Variants in SEC24D observed in about 807,000 individuals in gnomAD.
The protein encoded by SEC24D is protein transport protein Sec24D.
A neutral mutation model predicts 116.9 loss-of-function variants in SEC24D; 69 were observed. The observed-to-expected ratio is 0.59, with a 90% confidence interval of 0.49 to 0.72. The LOEUF (loss-of-function observed/expected upper bound fraction) is 0.72. Ranked by LOEUF, SEC24D falls within the 30% of genes least tolerant of loss-of-function variation. The pLI, the probability that SEC24D is intolerant of heterozygous loss-of-function variation, is 0.00. For synonymous variants in SEC24D, 405 were observed against 442.8 expected (o/e 0.91, Z 1.07); for missense variants, 1,131 against 1,264.1 (o/e 0.89, Z 1.60).
Position 118,755,526 on chromosome 4 carries a change from A to G in SEC24D, c.1421+2195T>C, listed in dbSNP as rs143949813. 7.9e-5 allele frequency among the ~76,000 whole-genome samples: 12 copies of G among 152,224 alleles called. No homozygotes were observed. The East Asian group carries it at 2.3e-3, about 29-fold the overall frequency. On this transcript the variant is annotated intron_variant, in intron 11 of 22. Coordinates refer to ENST00000280551, the MANE Select transcript of SEC24D (RefSeq NM_014822.4). ...ATCTGAATAACAGATGAAACATTCAAATCTTTTCTTTCCTGTTCCAGAGAA... is the reference window on the plus strand; with the variant it reads ...ATCTGAATAACAGATGAAACATTCAGATCTTTTCTTTCCTGTTCCAGAGAA...
Position 118,757,821 on chromosome 4 carries a change from C to CT in SEC24D, c.1320dup (p.Ala441SerfsTer7). Reference sequence around the variant, plus strand: ...GAAACATCAATCATGAAGATAAAGGCTGGTGGGTTGGGAGGCTTACTCTTC... The same window carrying CT: ...GAAACATCAATCATGAAGATAAAGGCTTGGTGGGTTGGGAGGCTTACTCTTC... On this transcript the variant is annotated frameshift_variant, in exon 11 of 23. Transcript: ENST00000280551. LOFTEE classifies it high-confidence loss of function. The CT allele has an allele frequency of 6.2e-7, 1 of 1,611,578 alleles. No individual in the cohort carries two copies. The highest frequency in any genetic ancestry group is 1.3e-5 in the African/African-American group (1 of 74,920).
chr4:118,792,260 G>T (rs1305202110), intron 8 of SEC24D, among the ~76,000 whole-genome samples: 1 of 148,660 alleles, frequency 6.7e-6, no homozygotes, highest in South Asian at 2.1e-4. Flanking sequence ...CAGCCGCCCC[G>T]TCCGGGAGGT....
intron 8 of SEC24D, among the ~76,000 whole-genome samples, chr4:118,779,990 T>C (rs146758204): frequency 0.078 from 11,825 of 152,240 alleles, 528 homozygotes; most frequent in Non-Finnish European, 0.098. Flanking sequence ...GATTCTTCTC[T>C]CTTTTCTTCT....
At chr4:118,804,885 T>TAC (rs71954957) in intron 7 of SEC24D, among the ~76,000 whole-genome samples, 13,120 of 140,872 alleles carry the variant, frequency 0.093, 1,185 homozygotes, top group African/African-American at 0.24. Flanking sequence ...TATGCATGCA[T>TAC]ACACACACAC....
chr4:118,829,931 A>C (rs1730770584), intron 2 of SEC24D, among the ~76,000 whole-genome samples: 1 of 152,258 alleles, frequency 6.6e-6, no homozygotes, highest in Admixed American at 6.5e-5. Flanking sequence ...CCAGATCTAC[A>C]GTGGAATAGA....
intron 2 of SEC24D, among the ~76,000 whole-genome samples, chr4:118,826,965 T>A (rs1262717738): frequency 6.6e-6 from 1 of 152,224 alleles, no homozygotes; most frequent in African/African-American, 2.4e-5. Flanking sequence ...ACTGTTACAA[T>A]ATGCAGAGAG....
chr4:118,827,759 A>G (rs1383929945), intron 2 of SEC24D, among the ~76,000 whole-genome samples: 1 of 152,124 alleles, frequency 6.6e-6, no homozygotes, highest in African/African-American at 2.4e-5. Flanking sequence ...CATACTCCCA[A>G]GTCTGGTTCT....
intron 1 of SEC24D, among the ~76,000 whole-genome samples, chr4:118,834,712 C>T (rs1731016145): frequency 6.6e-6 from 1 of 152,184 alleles, no homozygotes; most frequent in Admixed American, 6.5e-5. Flanking sequence ...AGCCTCAGTT[C>T]CTTCTTTTAG....
chr4:118,820,102 C>A (rs1471297065), intron 3 of SEC24D, among the ~76,000 whole-genome samples: 19 of 150,932 alleles, frequency 1.3e-4, no homozygotes, highest in Admixed American at 1.1e-3. Flanking sequence ...AAATGGCTAA[C>A]AAACCCCTCA....
intron 8 of SEC24D, among the ~76,000 whole-genome samples, chr4:118,772,571 T>A (rs556577841): frequency 3.9e-5 from 6 of 152,276 alleles, no homozygotes; most frequent in Admixed American, 3.9e-4. Context: ...TCCTTGAGTA[T>A]ATGTAGGGAA....
At chr4:118,775,624 A>G (rs1424790949) in intron 8 of SEC24D, among the ~76,000 whole-genome samples, 1 of 152,158 alleles carries the variant, frequency 6.6e-6, no homozygotes, top group African/African-American at 2.4e-5. Context: ...ATACTGACTC[A>G]GCAGGTTTCA....
At chr4:118,726,687 T>G (rs540907080) in intron 22 of SEC24D, among the ~76,000 whole-genome samples, 5 of 152,202 alleles carry the variant, frequency 3.3e-5, no homozygotes, top group Admixed American at 2.6e-4. Flanking sequence ...TAAAAAACAT[T>G]TGGAGCACAG....
rs751068094 is a variant in SEC24D at position 118,815,479 on chromosome 4, G to A, written c.645C>T (p.Thr215=). The A allele has an allele frequency of 3.7e-6, 6 of 1,614,090 alleles. No individual in the cohort carries two copies. In the African/African-American group the frequency reaches 6.7e-5, roughly 18 times the overall value. The part of the protein sequence containing the change: ...QYQPPPLPGQ[T]LGAGYPPQQA... The stretch of plus-strand genomic sequence containing the variant: ...GCTGCGGAGGATATCCAGCACCCAA[G>A]GTCTGGCCTGGAAGAGGTGGGGGCT... The change falls in exon 5 of 23, where the codon ACC becomes ACT. Residue 215 remains threonine, a synonymous_variant. Transcript: ENST00000280551.
In SEC24D at chr4:118,752,784, A is replaced by G; in HGVS notation, c.1526T>C (p.Met509Thr). The part of the protein sequence containing the change: ...VKSNLAQPQM[M>T]VVTDVGEVFV... ...GACTTCTCCAACATCAGTCACCACC[A>G]TCATCTGAGGCTGGGCCAGATTACT... Residue 509 changes from methionine (M) to threonine (T), a missense_variant, in exon 12 of 23, where the codon ATG (methionine) becomes ACG (threonine). By Grantham distance (81) the Met-to-Thr change is moderately conservative (BLOSUM62 -1). Transcript: ENST00000280551. 2.5e-6 allele frequency: 4 copies of G among 1,612,314 alleles called. No homozygotes were observed. The highest frequency in any genetic ancestry group is 3.4e-6 in the Non-Finnish European group (4 of 1,179,172).
chr4:118,742,175 GA>G (rs571990983), intron 15 of SEC24D, among the ~76,000 whole-genome samples: 48 of 147,622 alleles, frequency 3.3e-4, no homozygotes, highest in African/African-American at 9.7e-4. Flanking sequence ...AACTTAAATA[GA>G]AAAAAAAAAG....
chr4:118,796,141 G>C (rs1729168591), intron 8 of SEC24D, among the ~76,000 whole-genome samples: 1 of 152,170 alleles, frequency 6.6e-6, no homozygotes, highest in East Asian at 1.9e-4. Context: ...CAGGTGGCAG[G>C]GATATAGGTG....
intron 12 of SEC24D, among the ~76,000 whole-genome samples, 158 bp from the exon 13 acceptor site, chr4:118,752,247 G>C (rs1726876280): frequency 6.6e-6 from 1 of 152,156 alleles, no homozygotes; most frequent in Non-Finnish European, 1.5e-5. Context: ...ATCTTAGCGT[G>C]GCTTGGCACC....
At chr4:118,787,750 G>A (rs982250225) in intron 8 of SEC24D, among the ~76,000 whole-genome samples, 6 of 152,154 alleles carry the variant, frequency 3.9e-5, no homozygotes, top group Admixed American at 6.5e-5. Flanking sequence ...GAAGGTTGCC[G>A]TGAACAGAGA....
Position 118,797,795 on chromosome 4 carries a change from C to A in SEC24D, c.929G>T (p.Arg310Leu). 6.2e-7 allele frequency: 1 copy of A among 1,600,350 alleles called. No homozygotes were observed. The highest frequency in any genetic ancestry group is 8.5e-7 in the Non-Finnish European group (1 of 1,170,754). Residue 310 changes from arginine (R) to leucine (L), a missense_variant, in exon 8 of 23, where the codon CGA (arginine) becomes CTA (leucine). Arg to Leu is a moderately radical substitution (Grantham distance 102). Transcript: ENST00000280551. ...MIQDQGNASP[R>L]FIRCTTYCFP... is the part of the protein sequence containing the mutation. ...ACAGTATGTTGTACAACGGATGAAT[C>A]GAGGACTGGCATTTCCTGAAACATT...
Sources: gnomAD v4.1 joint callset for allele counts (sites outside exome capture counted in the v4.1 genomes callset) on GRCh38, gnomAD v4.1.1 for gene constraint, MANE v1.5 for transcripts, NCBI Gene and HGNC (gene_info 2026-07-23, HGNC 2026-07-21) for gene names.